LHFPL6: variants seen among roughly 807,000 people sequenced by gnomAD.
LHFPL6 encodes the protein LHFPL tetraspan subfamily member 6 protein.
In LHFPL6, 9 loss-of-function variants were observed where a neutral mutation model predicts 20.6. That is an observed-to-expected ratio of 0.44 (90% CI 0.26 to 0.76). LHFPL6 has a LOEUF of 0.76. Among genes scored for constraint, LHFPL6 ranks in the 30% least tolerant of loss-of-function variants. The pLI is 0.20. For missense variants in LHFPL6, 218 were observed against 253.5 expected (o/e 0.86, Z 0.95); for synonymous variants, 105 against 98.7 (o/e 1.06, Z -0.38).
chr13:39,393,494 G>A (rs9576785), intron 2 of LHFPL6, among the ~76,000 whole-genome samples: 36,236 of 152,012 alleles, frequency 0.24, 4,722 homozygotes, highest in East Asian at 0.43. Context: ...AGAAGTAGAC[G>A]TGGTCATCTC....
intron 2 of LHFPL6, among the ~76,000 whole-genome samples, chr13:39,395,103 G>A (rs1870810017): frequency 6.6e-6 from 1 of 152,112 alleles, no homozygotes; most frequent in Admixed American, 6.6e-5. Context: ...TTCCTCCAGG[G>A]AAACTATCAT....
chr13:39,470,344 A>G (rs1388789498), intron 2 of LHFPL6, among the ~76,000 whole-genome samples: 1 of 152,182 alleles, frequency 6.6e-6, no homozygotes. Flanking sequence ...TTTTAATTTA[A>G]TAACATTTAG....
At chr13:39,557,647 A>T (rs905009250) in intron 2 of LHFPL6, among the ~76,000 whole-genome samples, 2 of 152,250 alleles carry the variant, frequency 1.3e-5, no homozygotes, top group African/African-American at 4.8e-5. Flanking sequence ...TGGGGGCCAC[A>T]TGCAGAAAGA....
At chr13:39,452,645 C>T (rs1396502929) in intron 2 of LHFPL6, among the ~76,000 whole-genome samples, 2 of 152,138 alleles carry the variant, frequency 1.3e-5, no homozygotes, top group Admixed American at 6.5e-5. Flanking sequence ...ACCCAGACAC[C>T]GGGTGTCTCA....
At chr13:39,477,855 A>C (rs552703450) in intron 2 of LHFPL6, among the ~76,000 whole-genome samples, 1 of 152,358 alleles carries the variant, frequency 6.6e-6, no homozygotes, top group South Asian at 2.1e-4. Context: ...TAGAGTCAAC[A>C]GATAGCTAAT....
At chr13:39,393,374 AG>A (rs980894797) in intron 2 of LHFPL6, among the ~76,000 whole-genome samples, 4 of 152,216 alleles carry the variant, frequency 2.6e-5, no homozygotes, top group African/African-American at 9.6e-5. Flanking sequence ...CCCAAAGACA[AG>A]GCTATATTTG....
chr13:39,409,052 C>T (rs1477389331), intron 2 of LHFPL6, among the ~76,000 whole-genome samples: 1 of 152,192 alleles, frequency 6.6e-6, no homozygotes. Context: ...TAGCGTTAAG[C>T]AGGTAACTTT....
intron 2 of LHFPL6, among the ~76,000 whole-genome samples, chr13:39,518,959 A>G (rs9548793): frequency 0.084 from 12,827 of 152,306 alleles, 625 homozygotes; most frequent in East Asian, 0.25. Context: ...GCCCAGGGCT[A>G]GGCATGGTGG....
At chr13:39,367,276 G>T (rs1463372095) in intron 3 of LHFPL6, among the ~76,000 whole-genome samples, 1 of 152,032 alleles carries the variant, frequency 6.6e-6, no homozygotes, top group African/African-American at 2.4e-5. Flanking sequence ...TTCCCTACCT[G>T]GATGATGGTA....
At chr13:39,430,924 A>G (rs1296300471) in intron 2 of LHFPL6, among the ~76,000 whole-genome samples, 1 of 152,172 alleles carries the variant, frequency 6.6e-6, no homozygotes, top group Non-Finnish European at 1.5e-5. Context: ...ACGCTGTTCA[A>G]GCTTTGTTCT....
intron 2 of LHFPL6, among the ~76,000 whole-genome samples, chr13:39,586,974 T>G (rs889102895): frequency 1.3e-5 from 2 of 152,110 alleles, no homozygotes; most frequent in African/African-American, 4.8e-5. Flanking sequence ...CTGACCAGCA[T>G]AGTGAAACCC....
intron 2 of LHFPL6, among the ~76,000 whole-genome samples, chr13:39,519,404 C>T (rs556656361): frequency 1.3e-5 from 2 of 152,208 alleles, no homozygotes; most frequent in South Asian, 4.1e-4. Flanking sequence ...GGACATCTTC[C>T]TCAAATAATG....
At chr13:39,425,611 G>A (rs891537343) in intron 2 of LHFPL6, among the ~76,000 whole-genome samples, 1 of 152,140 alleles carries the variant, frequency 6.6e-6, no homozygotes, top group African/African-American at 2.4e-5. Context: ...TTTTTGATTT[G>A]CATTTCCCTA....
At chr13:39,345,218 T>C (rs932996796) in intron 3 of LHFPL6, among the ~76,000 whole-genome samples, 3 of 151,968 alleles carry the variant, frequency 2.0e-5, no homozygotes, top group African/African-American at 4.8e-5. Context: ...AGGCCATAGA[T>C]TGAAAATCAC....
intron 2 of LHFPL6, among the ~76,000 whole-genome samples, chr13:39,497,535 T>A (rs1420192611): frequency 6.6e-6 from 1 of 152,214 alleles, no homozygotes; most frequent in African/African-American, 2.4e-5. Context: ...TTAAAAACAC[T>A]CGGCTAACAT....
chr13:39,362,234 G>C (rs12856032), intron 3 of LHFPL6, among the ~76,000 whole-genome samples: 82,499 of 151,986 alleles, frequency 0.54, 23,137 homozygotes, highest in East Asian at 0.66. Context: ...TAGTGAGTGA[G>C]TTGTCACGAG....
At chr13:39,475,917 A>G (rs1383992617) in intron 2 of LHFPL6, among the ~76,000 whole-genome samples, 2 of 152,112 alleles carry the variant, frequency 1.3e-5, no homozygotes, top group Non-Finnish European at 2.9e-5. Context: ...CCTATCCCCA[A>G]GAAGATCATC....
chr13:39,451,871 TA>T (rs1872453023), intron 2 of LHFPL6, among the ~76,000 whole-genome samples: 1 of 152,194 alleles, frequency 6.6e-6, no homozygotes, highest in Non-Finnish European at 1.5e-5. Context: ...AGAAAAATCC[TA>T]TCTAAGCATA....
intron 2 of LHFPL6, 95 bp from the exon 3 acceptor site, chr13:39,378,621 T>C (rs533920204): frequency 1.0e-5 from 9 of 876,226 alleles, no homozygotes; most frequent in South Asian, 3.3e-5. Context: ...AACAAGACCA[T>C]AGCGTCTGCT....
Sources: allele counts gnomAD v4.1 joint callset (sites outside exome capture counted in the v4.1 genomes callset), GRCh38; gene constraint gnomAD v4.1.1; transcripts MANE v1.5; gene names NCBI Gene and HGNC (gene_info 2026-07-23, HGNC 2026-07-21).